The following PLAGL1 variants were observed in gnomAD, a reference collection of about 807,000 sequenced individuals.
The protein encoded by PLAGL1 is PLAG1 like zinc finger 1.
In PLAGL1, 1 loss-of-function variant was observed where a neutral mutation model predicts 4.6. The observed-to-expected ratio is 0.22, with a 90% confidence interval of 0.08 to 1.03. The LOEUF is 1.03. Among genes scored for constraint, PLAGL1 ranks in the 50% least tolerant of loss-of-function variants. PLAGL1 has a pLI of 0.58. For synonymous variants in PLAGL1, 240 were observed against 237.8 expected (o/e 1.01, Z -0.08); for missense variants, 464 against 570.4 (o/e 0.81, Z 1.90).
chr6:143,977,126 C>G (rs1456504159), intron 2 of PLAGL1, among the ~76,000 whole-genome samples: 3 of 150,738 alleles, frequency 2.0e-5, no homozygotes, highest in Non-Finnish European at 4.4e-5. Context: ...ATCGACATCC[C>G]CCACTAGAGT....
At chr6:144,054,384 G>A (rs756716397) in intron 1 of PLAGL1, among the ~76,000 whole-genome samples, 127 of 152,174 alleles carry the variant, frequency 8.3e-4, no homozygotes, top group Non-Finnish European at 8.8e-4. Context: ...TAAAGAAAAT[G>A]TGGTACATAT....
intron 1 of PLAGL1, among the ~76,000 whole-genome samples, chr6:144,018,727 A>C (rs1227583545): frequency 6.6e-6 from 1 of 152,238 alleles, no homozygotes; most frequent in Non-Finnish European, 1.5e-5. Context: ...ACTTTAAAAA[A>C]AGTTAATATC....
In PLAGL1 at chr6:143,957,455, C is replaced by G. The variant is rs1472274470; in HGVS notation, c.-325+3014G>C. 1.3e-5 allele frequency among the ~76,000 whole-genome samples: 2 copies of G among 152,210 alleles called. No homozygotes were observed. Among genetic ancestry groups the G allele is most frequent in the African/African-American group, 4.8e-5 (2 of 41,446 alleles). On this transcript the variant is annotated intron_variant, in intron 6 of 7. Transcript: ENST00000674357. This position sits in a 1 kb window ranked among gnomAD's most constrained non-coding sequence, Gnocchi z 4.2. ...CCTCACTCCCTAGAAACCCTTGAGT[C>G]TCGCCTTTAGGCCCTTTTAGGGTCT...
rs34750629 is a variant in PLAGL1, at chr6:143,977,470, C to CTTTT, written c.-544+7661_-544+7664dup. 3.6e-3 allele frequency among the ~76,000 whole-genome samples: 250 copies of CTTTT among 69,182 alleles called. 2 individuals carry two copies. The highest frequency in any genetic ancestry group is 6.9e-3 in the African/African-American group (112 of 16,126). 45.4% of individuals were successfully genotyped at this position (69,182 alleles called of 152,430 possible). ...TTTTTATTTTTTTCTTCTTCTTCTT[C>CTTTT]TTTTTTTTTTTTTTTTTTTTTGAGA... On this transcript the variant is annotated intron_variant, in intron 2 of 7. Coordinates refer to ENST00000674357, the MANE Select transcript of PLAGL1 (RefSeq NM_001317162.2).
At chr6:144,026,698 T>C (rs554762935) in intron 1 of PLAGL1, among the ~76,000 whole-genome samples, 4 of 152,334 alleles carry the variant, frequency 2.6e-5, no homozygotes, top group South Asian at 2.1e-4. Context: ...AGAATAAATA[T>C]GTATTTTCAA....
rs1302808274 is a variant in PLAGL1 at position 143,964,593 on chromosome 6, G to A, written c.-399+194C>T. On this transcript the variant is annotated intron_variant, in intron 5 of 7. Transcript: ENST00000674357. The surrounding 1 kb of genome is among the most constrained non-coding windows in gnomAD (Gnocchi z 4.3). ...GTGCTATAGACTAGCTACAACTGCT[G>A]GAACTGGAGCCAATCTAGTTTTCAA... is the stretch of plus-strand genomic sequence containing the variant. Among the ~76,000 whole-genome samples, 1 of 151,886 alleles carries A rather than the reference G, an allele frequency of 6.6e-6. No homozygotes were observed. The highest frequency in any genetic ancestry group is 2.4e-5 in the African/African-American group (1 of 41,334).
At chr6:144,057,213 A>G (rs978617103) in intron 1 of PLAGL1, among the ~76,000 whole-genome samples, 4 of 152,238 alleles carry the variant, frequency 2.6e-5, no homozygotes. Flanking sequence ...GCAAAGACAC[A>G]TTCACTTTTA....
rs912257628 is a variant in PLAGL1, at chr6:144,053,135, A to G, written c.-151+11333T>C. On this transcript the variant is annotated intron_variant, in intron 1 of 3. Coordinates refer to the PLAGL1 transcript ENST00000437412. The surrounding 1 kb of genome is among the most constrained non-coding windows in gnomAD (Gnocchi z 4.0). ...CTACAACCACACATTGCCAAAATCA[A>G]TCAATCAATCATTTTTTTTGAAATG... 6.6e-6 allele frequency among the ~76,000 whole-genome samples: 1 copy of G among 152,118 alleles called. No homozygotes were observed. Among genetic ancestry groups the G allele is most frequent in the Non-Finnish European group, 1.5e-5 (1 of 68,020 alleles).
intron 7 of PLAGL1, among the ~76,000 whole-genome samples, chr6:143,944,577 C>T (rs1779343084): frequency 1.3e-5 from 2 of 152,110 alleles, no homozygotes; most frequent in African/African-American, 4.8e-5. Context: ...GGAACCAATA[C>T]GATGGGCATC....
Position 143,972,672 on chromosome 6 carries a change from T to C in PLAGL1, c.-543-3694A>G, listed in dbSNP as rs1053148208. 1.3e-5 allele frequency among the ~76,000 whole-genome samples: 2 copies of C among 152,142 alleles called. No homozygotes were observed. Among genetic ancestry groups the C allele is most frequent in the African/African-American group, 4.8e-5 (2 of 41,434 alleles). On this transcript the variant is annotated intron_variant, in intron 2 of 7. Transcript: ENST00000674357. This position sits in a 1 kb window ranked among gnomAD's most constrained non-coding sequence, Gnocchi z 6.8. Reference sequence around the variant, plus strand: ...ATCACTGGCTTGAGTGGAACGTAGCTTCCAAGTTCAAAGATGTTTTAAAAT... The same window carrying C: ...ATCACTGGCTTGAGTGGAACGTAGCCTCCAAGTTCAAAGATGTTTTAAAAT...
At chr6:143,974,401 G>A (rs537409221) in intron 2 of PLAGL1, among the ~76,000 whole-genome samples, 1 of 132,562 alleles carries the variant, frequency 7.5e-6, no homozygotes, top group Admixed American at 7.4e-5. Flanking sequence ...GGGTTGCGGG[G>A]GAGGTCACCA....
intron 1 of PLAGL1, among the ~76,000 whole-genome samples, chr6:144,062,110 G>A (rs904165864): frequency 6.6e-6 from 1 of 152,176 alleles, no homozygotes; most frequent in Non-Finnish European, 1.5e-5. Context: ...GGGCACGGTG[G>A]CTCATGCCTA....
chr6:144,041,800 C>A (rs1382092333), intron 1 of PLAGL1, among the ~76,000 whole-genome samples: 1 of 152,206 alleles, frequency 6.6e-6, no homozygotes, highest in Non-Finnish European at 1.5e-5. Flanking sequence ...ACACTCCCAA[C>A]AATGGCATAA....
intron 1 of PLAGL1, among the ~76,000 whole-genome samples, chr6:143,992,681 A>C (rs564929994): frequency 6.6e-6 from 1 of 152,190 alleles, no homozygotes; most frequent in Non-Finnish European, 1.5e-5. Flanking sequence ...CTCTAGGAGA[A>C]GAGGTAAGAA....
intron 1 of PLAGL1, among the ~76,000 whole-genome samples, chr6:144,033,821 G>T (rs1317936951): frequency 6.6e-6 from 1 of 152,014 alleles, no homozygotes; most frequent in African/African-American, 2.4e-5. Context: ...AAATTATCAG[G>T]CATGCAAAAA....
At chr6:143,943,908 A>T (rs543087342) in intron 7 of PLAGL1, among the ~76,000 whole-genome samples, 1 of 152,350 alleles carries the variant, frequency 6.6e-6, no homozygotes, top group African/African-American at 2.4e-5. Flanking sequence ...CTGGCTTTTA[A>T]AAACTCAGTG....
At chr6:143,976,280 C>CTTT (rs1286574818) in intron 2 of PLAGL1, among the ~76,000 whole-genome samples, 10 of 81,424 alleles carry the variant, frequency 1.2e-4, no homozygotes, top group Non-Finnish European at 1.6e-4. Context: ...CCTGAGATTT[C>CTTT]TTTTCTTTTT....
Position 144,039,320 on chromosome 6 carries a change from C to T in PLAGL1, c.-151+25148G>A, listed in dbSNP as rs1056741726. ...CACATGCTGGCCAGATGCAGTGGCT[C>T]ACACCTGTAATCTCAACACTTTGGG... On this transcript the variant is annotated intron_variant, in intron 1 of 3. Coordinates refer to the PLAGL1 transcript ENST00000437412. The surrounding 1 kb of genome is among the most constrained non-coding windows in gnomAD (Gnocchi z 4.1). Among the ~76,000 whole-genome samples, 3 of 152,126 alleles carry T rather than the reference C, an allele frequency of 2.0e-5. No individual in the cohort carries two copies. Among genetic ancestry groups the T allele is most frequent in the Non-Finnish European group, 4.4e-5 (3 of 68,018 alleles).
At chr6:144,046,756 G>A (rs1463325831) in intron 1 of PLAGL1, among the ~76,000 whole-genome samples, 1 of 152,234 alleles carries the variant, frequency 6.6e-6, no homozygotes, top group Non-Finnish European at 1.5e-5. Context: ...GTCTGCAGAT[G>A]TTTCTGCTGC....
Sources: allele counts gnomAD v4.1 joint callset (sites outside exome capture counted in the v4.1 genomes callset), GRCh38; gene constraint gnomAD v4.1.1; non-coding constraint Gnocchi (gnomAD v3.1); transcripts MANE v1.5; gene names NCBI Gene and HGNC (gene_info 2026-07-23, HGNC 2026-07-21).